EPB41L5: variants seen among roughly 807,000 people sequenced by gnomAD.
The protein encoded by EPB41L5 is erythrocyte membrane protein band 4.1 like 5.
Under a neutral mutation model 106.6 loss-of-function variants are expected in EPB41L5, and 55 were observed. The ratio of observed to expected loss-of-function variants is 0.52; its 90% CI spans 0.42 to 0.65. The LOEUF (loss-of-function observed/expected upper bound fraction) is 0.65. Among genes scored for constraint, EPB41L5 ranks in the 30% least tolerant of loss-of-function variants. EPB41L5 has a pLI of 0.00. For synonymous variants in EPB41L5, 297 were observed against 306.7 expected, an observed-to-expected ratio of 0.97 and a Z score of 0.33; for missense variants, 871 against 882.1, an observed-to-expected ratio of 0.99 and a Z score of 0.16.
At chr2:120,030,617 A>T (rs935302350) in intron 2 of EPB41L5, among the ~76,000 whole-genome samples, 3 of 151,968 alleles carry the variant, frequency 2.0e-5, no homozygotes, top group African/African-American at 7.3e-5. Context: ...GCAGTGGTAC[A>T]ATCTTGGCTC....
intron 16 of EPB41L5, among the ~76,000 whole-genome samples, chr2:120,107,928 T>C (rs879851077): frequency 1.1e-4 from 17 of 152,178 alleles, no homozygotes; most frequent in Admixed American, 1.0e-3. Flanking sequence ...TTGAGCACTT[T>C]GGGCTGGTGA....
chr2:120,083,548 G>C (rs1200632364), intron 10 of EPB41L5, among the ~76,000 whole-genome samples: 1 of 152,218 alleles, frequency 6.6e-6, no homozygotes, highest in African/African-American at 2.4e-5. Flanking sequence ...TGGAATAAGT[G>C]CAATGTGGTG....
intron 19 of EPB41L5, among the ~76,000 whole-genome samples, chr2:120,145,826 A>G (rs527326854): frequency 7.4e-4 from 112 of 152,152 alleles, no homozygotes; most frequent in African/African-American, 2.7e-3. Flanking sequence ...CATACCTGTA[A>G]TCCCAGCTAC....
intron 14 of EPB41L5, among the ~76,000 whole-genome samples, chr2:120,099,898 T>C (rs934022582): frequency 2.6e-5 from 4 of 152,184 alleles, no homozygotes; most frequent in Non-Finnish European, 5.9e-5. Context: ...AAGTGACAGA[T>C]AAGTTTATGT....
chr2:120,061,402 T>G (rs1681061730), intron 3 of EPB41L5, among the ~76,000 whole-genome samples: 1 of 151,304 alleles, frequency 6.6e-6, no homozygotes, highest in African/African-American at 2.4e-5. Context: ...TTTTTGTATT[T>G]TTAGTAGAGA....
At chr2:120,107,472 A>G (rs547177059) in intron 16 of EPB41L5, among the ~76,000 whole-genome samples, 33 of 152,128 alleles carry the variant, frequency 2.2e-4, no homozygotes, top group Non-Finnish European at 4.7e-4. Flanking sequence ...CCACATCATC[A>G]GTTATATCTT....
At chr2:120,174,583 G>A (rs994197220) in intron 24 of EPB41L5, among the ~76,000 whole-genome samples, 2 of 152,290 alleles carry the variant, frequency 1.3e-5, no homozygotes, top group African/African-American at 4.8e-5. Flanking sequence ...AAATGGTTAA[G>A]TGTGTGTTTA....
At chr2:120,075,626 A>G in intron 6 of EPB41L5, 75 bp from the exon 7 acceptor site, 1 of 1,434,282 alleles carries the variant, frequency 7.0e-7, no homozygotes. Flanking sequence ...AACATAAAAC[A>G]TGTATTATTT....
intron 5 of EPB41L5, 59 bp from the exon 6 acceptor site, chr2:120,075,417 A>AT (rs1471005066): frequency 2.0e-5 from 25 of 1,275,692 alleles, no homozygotes; most frequent in African/African-American, 7.4e-5. Flanking sequence ...GAAGTGTAAG[A>AT]TTTTTTTTCA....
chr2:120,093,255 C>T lies in EPB41L5; in HGVS notation c.1157C>T (p.Ala386Val). 1 of 1,613,450 alleles carries T rather than the reference C, an allele frequency of 6.2e-7. No homozygotes were observed. ...ATCTTTTTTCTTCTGTTAGCATGTGCTACAAAACCTGAAGAACTTAGGTAA... is the reference window on the plus strand; with the variant it reads ...ATCTTTTTTCTTCTGTTAGCATGTGTTACAAAACCTGAAGAACTTAGGTAA... The part of the protein sequence containing the change: ...SRRTLQMKAC[A>V]TKPEELSVHN... Residue 386 changes from alanine to valine, a missense_variant, in exon 14 of 25, where the codon GCT becomes GTT. Physicochemically the swap from Ala to Val is moderately conservative, Grantham distance 64. Coordinates refer to ENST00000263713, the MANE Select transcript of EPB41L5 (RefSeq NM_020909.4).
intron 17 of EPB41L5, 65 bp from the exon 18 acceptor site, chr2:120,131,553 C>G: frequency 3.6e-6 from 4 of 1,111,878 alleles, no homozygotes; most frequent in Non-Finnish European, 5.4e-6. Flanking sequence ...AAACCATACC[C>G]TCACACAGCT....
Position 120,174,302 on chromosome 2 carries a change from C to T in EPB41L5, c.2136-539C>T, listed in dbSNP as rs543946342. Among the ~76,000 whole-genome samples, 40 of 152,036 alleles carry T rather than the reference C, an allele frequency of 2.6e-4. 1 individual carries two copies. Among genetic ancestry groups the T allele is most frequent in the African/African-American group, 9.4e-4 (39 of 41,396 alleles). On this transcript the variant is annotated intron_variant, in intron 24 of 24. Transcript: ENST00000263713. Reference sequence around the variant, plus strand: ...GAAACCCCATCTCTACAGAAAAATACAAAAATTAGCCAGGCATGTTGGCAC... The same window carrying T: ...GAAACCCCATCTCTACAGAAAAATATAAAAATTAGCCAGGCATGTTGGCAC...
In EPB41L5 at chr2:120,160,937, T is replaced by C. The variant is rs116814864; in HGVS notation, c.1850T>C (p.Met617Thr). The C allele has an allele frequency of 6.2e-7, 1 of 1,613,978 alleles. No homozygotes were observed. The highest frequency in any genetic ancestry group is 1.7e-5 in the Admixed American group (1 of 60,012). ...PLPKESLETL[M>T]LITPADSGSV... ...CCCAAAGAGTCTCTTGAGACTCTGA[T>C]GCTTATCACACCTGCCGACAGTGGT... Residue 617 changes from methionine to threonine, a missense_variant, in exon 21 of 25, where the codon ATG becomes ACG. Physicochemically the swap from Met to Thr is moderately conservative, Grantham distance 81. Coordinates refer to ENST00000263713, the MANE Select transcript of EPB41L5 (RefSeq NM_020909.4).
chr2:120,115,534 C>A (rs1157448260), intron 16 of EPB41L5, among the ~76,000 whole-genome samples: 2 of 151,856 alleles, frequency 1.3e-5, no homozygotes, highest in Non-Finnish European at 2.9e-5. Context: ...TACAGGTGTC[C>A]ACCACCATGC....
At chr2:120,119,417 G>T (rs1198268726) in intron 16 of EPB41L5, among the ~76,000 whole-genome samples, 1 of 152,018 alleles carries the variant, frequency 6.6e-6, no homozygotes, top group Non-Finnish European at 1.5e-5. Context: ...TTTTCATCAT[G>T]AAATCTTTGC....
intron 14 of EPB41L5, among the ~76,000 whole-genome samples, chr2:120,095,418 C>G (rs914824075): frequency 3.3e-5 from 5 of 151,354 alleles, no homozygotes; most frequent in African/African-American, 1.2e-4. Context: ...TTCTCTTCTC[C>G]TTCTGGAATT....
At chr2:120,160,110 A>G (rs1687079837) in intron 20 of EPB41L5, among the ~76,000 whole-genome samples, 3 of 152,182 alleles carry the variant, frequency 2.0e-5, no homozygotes, top group Admixed American at 6.5e-5. Context: ...AAAATAACTA[A>G]TGGGTACTAG....
intron 14 of EPB41L5, among the ~76,000 whole-genome samples, chr2:120,093,569 T>C (rs184605439): frequency 6.6e-6 from 1 of 152,356 alleles, no homozygotes; most frequent in East Asian, 1.9e-4. Flanking sequence ...ATGATCCTTA[T>C]ACATAAGAAG....
At chr2:120,080,567 T>C (rs1292285142) in intron 10 of EPB41L5, among the ~76,000 whole-genome samples, 1 of 152,172 alleles carries the variant, frequency 6.6e-6, no homozygotes, top group Non-Finnish European at 1.5e-5. Context: ...GCAGTAAACA[T>C]ACGTGTGCAT....
Sources: gnomAD v4.1 joint callset for allele counts (sites outside exome capture counted in the v4.1 genomes callset) on GRCh38, gnomAD v4.1.1 for gene constraint, MANE v1.5 for transcripts, NCBI Gene and HGNC (gene_info 2026-07-23, HGNC 2026-07-21) for gene names.